CA10: variants seen among roughly 807,000 people sequenced by gnomAD.
CA10 encodes the protein carbonic anhydrase 10 (inactive), also known as carbonic anhydrase-related protein 10.
A neutral mutation model predicts 44.2 loss-of-function variants in CA10; 14 were observed. The ratio of observed to expected loss-of-function variants is 0.32; its 90% CI spans 0.21 to 0.50. The LOEUF is 0.50. Ranked by LOEUF, CA10 falls within the 20% of genes least tolerant of loss-of-function variation. The pLI is 0.99. For synonymous variants in CA10, 159 were observed against 141.6 expected, an observed-to-expected ratio of 1.12 and a Z score of -0.87; for missense variants, 350 against 409.7, an observed-to-expected ratio of 0.85 and a Z score of 1.26.
chr17:51,869,449 C>A (rs147677587), intron 3 of CA10, among the ~76,000 whole-genome samples: 1 of 152,268 alleles, frequency 6.6e-6, no homozygotes, highest in African/African-American at 2.4e-5. Flanking sequence ...TGAGGCCTCC[C>A]AGGTCTGTTT....
chr17:51,866,651 A>G (rs983361911), intron 3 of CA10, among the ~76,000 whole-genome samples: 32 of 152,152 alleles, frequency 2.1e-4, no homozygotes, highest in African/African-American at 7.2e-4. Context: ...TCGACTTTAT[A>G]ATTCCTGGCT....
chr17:52,134,864 C>A (rs895878793), intron 1 of CA10: 12 of 518,856 alleles, frequency 2.3e-5, no homozygotes, highest in Admixed American at 1.4e-4. Flanking sequence ...GAACCCTGGG[C>A]TCCTTCTGAC....
At chr17:52,017,765 C>A (rs1172183489) in intron 2 of CA10, among the ~76,000 whole-genome samples, 1 of 152,074 alleles carries the variant, frequency 6.6e-6, no homozygotes, top group East Asian at 1.9e-4. Flanking sequence ...TTGCTAGAGA[C>A]ATTCACATGA....
At chr17:52,088,709 G>C (rs560934912) in intron 1 of CA10, among the ~76,000 whole-genome samples, 23 of 152,098 alleles carry the variant, frequency 1.5e-4, no homozygotes, top group African/African-American at 5.1e-4. Context: ...CAAACAATAG[G>C]TTTTCTCAAA....
intron 2 of CA10, among the ~76,000 whole-genome samples, chr17:52,008,627 T>C (rs1985682799): frequency 6.6e-6 from 1 of 151,898 alleles, no homozygotes; most frequent in Admixed American, 6.6e-5. Flanking sequence ...TTGTAAGTTA[T>C]AGATCCTCCA....
chr17:52,112,277 C>T (rs577145461), intron 1 of CA10, among the ~76,000 whole-genome samples: 1 of 151,744 alleles, frequency 6.6e-6, no homozygotes, highest in South Asian at 2.1e-4. Flanking sequence ...ATGGCAAAAA[C>T]AGACTTTAAT....
chr17:51,948,576 A>G (rs1343088718), intron 2 of CA10, among the ~76,000 whole-genome samples: 1 of 152,144 alleles, frequency 6.6e-6, no homozygotes, highest in Non-Finnish European at 1.5e-5. Flanking sequence ...GTGCTCTCCG[A>G]TGCTCAGCTT....
chr17:51,660,431 G>A (rs914715378), intron 4 of CA10, among the ~76,000 whole-genome samples: 1 of 152,234 alleles, frequency 6.6e-6, no homozygotes, highest in Non-Finnish European at 1.5e-5. Context: ...TAAATAAGCA[G>A]ACCTGCTGCA....
intron 1 of CA10, among the ~76,000 whole-genome samples, chr17:52,072,999 T>G (rs1987726031): frequency 1.3e-5 from 2 of 151,992 alleles, no homozygotes; most frequent in Non-Finnish European, 2.9e-5. Context: ...TGACATGACC[T>G]CAGGGAAACC....
chr17:52,069,117 A>G (rs1205468854), intron 2 of CA10, among the ~76,000 whole-genome samples: 2 of 152,174 alleles, frequency 1.3e-5, no homozygotes, highest in East Asian at 3.9e-4. Context: ...CACATATTAT[A>G]CAGATAATCT....
chr17:52,061,938 G>T (rs555698360), intron 2 of CA10, among the ~76,000 whole-genome samples: 1 of 152,242 alleles, frequency 6.6e-6, no homozygotes, highest in African/African-American at 2.4e-5. Context: ...AAACTTACTG[G>T]CTTATCAAAG....
chr17:52,095,920 G>T (rs1485367328), intron 1 of CA10, among the ~76,000 whole-genome samples: 1 of 152,104 alleles, frequency 6.6e-6, no homozygotes, highest in Non-Finnish European at 1.5e-5. Flanking sequence ...AAATTGAAAG[G>T]TGGTATAAAA....
At chr17:52,049,016 G>T (rs1986988066) in intron 2 of CA10, among the ~76,000 whole-genome samples, 1 of 152,058 alleles carries the variant, frequency 6.6e-6, no homozygotes, top group African/African-American at 2.4e-5. Flanking sequence ...AACCACAATG[G>T]TAGCAGAAGG....
intron 1 of CA10, among the ~76,000 whole-genome samples, chr17:52,087,530 T>C (rs1035727309): frequency 1.3e-5 from 2 of 152,208 alleles, no homozygotes; most frequent in African/African-American, 4.8e-5. Context: ...GTAGAAGGTA[T>C]GGAGAATGGT....
chr17:51,962,806 A>G (rs1983941630), intron 2 of CA10, among the ~76,000 whole-genome samples: 2 of 152,226 alleles, frequency 1.3e-5, no homozygotes, highest in Admixed American at 1.3e-4. Flanking sequence ...TATAAAAATT[A>G]GAAGTCCTAT....
intron 3 of CA10, among the ~76,000 whole-genome samples, chr17:51,829,430 C>T (rs1908146808): frequency 6.6e-6 from 1 of 152,046 alleles, no homozygotes; most frequent in Non-Finnish European, 1.5e-5. Flanking sequence ...AAAAGATTAC[C>T]CCTGTGACAT....
chr17:51,879,755 T>C (rs1357918066), intron 3 of CA10, among the ~76,000 whole-genome samples: 1 of 152,066 alleles, frequency 6.6e-6, no homozygotes, highest in Admixed American at 6.6e-5. Flanking sequence ...GGAGCAGAAA[T>C]GAAATGCAAA....
chr17:52,094,350 T>G (rs1864756747), intron 1 of CA10, among the ~76,000 whole-genome samples: 1 of 151,100 alleles, frequency 6.6e-6, no homozygotes, highest in Non-Finnish European at 1.5e-5. Context: ...CTTAAAATTG[T>G]GTCACACTAA....
intron 3 of CA10, among the ~76,000 whole-genome samples, chr17:51,830,223 G>GA (rs1204781347): frequency 7.1e-6 from 1 of 140,972 alleles, no homozygotes; most frequent in African/African-American, 2.7e-5. Flanking sequence ...AAAAGAAAAA[G>GA]AAAAAAAAGA....
Sources: allele counts gnomAD v4.1 joint callset (sites outside exome capture counted in the v4.1 genomes callset), GRCh38; gene constraint gnomAD v4.1.1; transcripts MANE v1.5; gene names NCBI Gene and HGNC (gene_info 2026-07-23, HGNC 2026-07-21).